The following TAF1 variants were observed in gnomAD, a reference collection of about 807,000 sequenced individuals.
TAF1 encodes TATA-box binding protein associated factor 1.
TAF1 carries 2 observed loss-of-function variants against 138.5 expected under a neutral mutation model. That is an observed-to-expected ratio of 0.01 (90% confidence interval 0.01 to 0.05). The LOEUF is 0.05. Ranked by LOEUF, TAF1 falls within the 10% of genes least tolerant of loss-of-function variation. The pLI is 1.00. For missense variants in TAF1, 709 were observed against 1,478.0 expected, an observed-to-expected ratio of 0.48 and a Z score of 8.53; for synonymous variants, 437 against 503.2, an observed-to-expected ratio of 0.87 and a Z score of 1.76.
At chrX:71,439,659 CT>C (rs1389551767) in intron 32 of TAF1, among the ~76,000 whole-genome samples, 1 of 112,086 alleles carries the variant, frequency 8.9e-6, no homozygotes, top group Non-Finnish European at 1.9e-5. Context: ...AGCACACTGC[CT>C]ATAGGGTAGC....
intron 32 of TAF1, among the ~76,000 whole-genome samples, chrX:71,435,562 C>G (rs1212496811): frequency 1.8e-5 from 2 of 111,904 alleles, no homozygotes; most frequent in Admixed American, 1.9e-4. Flanking sequence ...TTGTAGGGCT[C>G]ACTTCATTTC....
chrX:71,470,630 GC>G (rs1229475816), downstream of TAF1, among the ~76,000 whole-genome samples: 1 of 106,706 alleles, frequency 9.4e-6, no homozygotes, highest in Non-Finnish European at 1.9e-5. Context: ...GCCCACCTCA[GC>G]CCCCCAAAGT....
chrX:71,368,414 A>G (rs1448907207), intron 3 of TAF1, among the ~76,000 whole-genome samples: 1 of 111,679 alleles, frequency 9.0e-6, no homozygotes, highest in Non-Finnish European at 1.9e-5. Context: ...ATTCTTAGTT[A>G]ATGACAAGTA....
At chrX:71,478,669 A>G (rs923698308) in intron 13 of TAF1, among the ~76,000 whole-genome samples, 39 of 112,093 alleles carry the variant, frequency 3.5e-4, no homozygotes, top group African/African-American at 1.2e-3. Context: ...AGACTGGGTA[A>G]CATAGGGAGG....
chrX:71,466,682 C>G (rs985843598), downstream of TAF1, among the ~76,000 whole-genome samples: 1 of 111,385 alleles, frequency 9.0e-6, no homozygotes, highest in Non-Finnish European at 1.9e-5. Flanking sequence ...CCAGCCAAGA[C>G]GGGGCTTTAC....
intron 32 of TAF1, among the ~76,000 whole-genome samples, chrX:71,428,345 G>A (rs776100645): frequency 1.8e-5 from 2 of 111,452 alleles, no homozygotes; most frequent in South Asian, 7.4e-4. Flanking sequence ...ATAAAATTGT[G>A]TGAGATTTCT....
intron 36 of TAF1, 47 bp downstream of exon 36, chrX:71,459,755 C>A: frequency 8.4e-7 from 1 of 1,197,048 alleles, no homozygotes. Flanking sequence ...CACTACAGCA[C>A]CCTCAGAACT....
chrX:71,469,731 C>T (rs1271207026), downstream of TAF1, among the ~76,000 whole-genome samples: 5 of 110,329 alleles, frequency 4.5e-5, no homozygotes, highest in African/African-American at 9.9e-5. Context: ...GACGGAGTTT[C>T]GCTCTTGTTG....
chrX:71,461,201 G>A (rs1232768527), intron 37 of TAF1, among the ~76,000 whole-genome samples: 2 of 110,867 alleles, frequency 1.8e-5, no homozygotes, highest in Non-Finnish European at 3.8e-5. Context: ...GGCAGGGGGT[G>A]GGGAGAACTT....
At chrX:71,449,230 TC>T (rs2037844136) in intron 32 of TAF1, among the ~76,000 whole-genome samples, 1 of 111,038 alleles carries the variant, frequency 9.0e-6, no homozygotes, top group Non-Finnish European at 1.9e-5. Flanking sequence ...AATCAGGTGA[TC>T]CGTCCACCTG....
chrX:71,429,736 C>T (rs190746231), intron 32 of TAF1, among the ~76,000 whole-genome samples: 4 of 110,983 alleles, frequency 3.6e-5, no homozygotes, highest in East Asian at 5.7e-4. Flanking sequence ...AAAATACTGA[C>T]GGCCTGAACT....
At chrX:71,419,592 G>A (rs756106958) in intron 28 of TAF1, among the ~76,000 whole-genome samples, 14 of 110,855 alleles carry the variant, frequency 1.3e-4, no homozygotes, top group African/African-American at 4.2e-4. Context: ...GCAGGGAGCC[G>A]GAGAAGAGGG....
At chrX:71,431,342 C>T (rs1049449862) in intron 32 of TAF1, among the ~76,000 whole-genome samples, 1 of 110,076 alleles carries the variant, frequency 9.1e-6, no homozygotes, top group East Asian at 2.9e-4. Flanking sequence ...GGATTATAGG[C>T]GTGAGCTTTT....
intron 13 of TAF1, among the ~76,000 whole-genome samples, chrX:71,476,344 G>A (rs759990468): frequency 3.5e-4 from 39 of 110,954 alleles, no homozygotes; most frequent in Non-Finnish European, 6.4e-4. Context: ...GGATATCAAG[G>A]CTTATTTTAG....
intron 13 of TAF1, among the ~76,000 whole-genome samples, chrX:71,471,956 G>A (rs2038898229): frequency 8.9e-6 from 1 of 112,096 alleles, no homozygotes; most frequent in South Asian, 3.7e-4. Context: ...CAACTGCCAG[G>A]CAGAAAAGGA....
At chrX:71,457,076 G>A (rs1475516104) in intron 34 of TAF1, among the ~76,000 whole-genome samples, 1 of 111,828 alleles carries the variant, frequency 8.9e-6, no homozygotes, top group Non-Finnish European at 1.9e-5. Flanking sequence ...GCACTGTGCC[G>A]TAGGGTTTTG....
At chrX:71,515,255 C>T (rs1026462901) in intron 13 of TAF1, among the ~76,000 whole-genome samples, 13 of 110,918 alleles carry the variant, frequency 1.2e-4, no homozygotes, top group Non-Finnish European at 2.3e-4. Flanking sequence ...TGCAGCTCTA[C>T]ACCCTTTCAC....
intron 13 of TAF1, among the ~76,000 whole-genome samples, chrX:71,527,456 A>C (rs778248879): frequency 1.8e-5 from 2 of 111,162 alleles, no homozygotes; most frequent in African/African-American, 6.5e-5. Flanking sequence ...AATACATATG[A>C]AATGTGCTTT....
intron 18 of TAF1, among the ~76,000 whole-genome samples, chrX:71,391,533 AT>A (rs1402681138): frequency 9.1e-6 from 1 of 110,123 alleles, no homozygotes; most frequent in Admixed American, 9.7e-5. Context: ...AAGAAAAACA[AT>A]TTTTTTTAAA....
Sources: allele counts gnomAD v4.1 joint callset (sites outside exome capture counted in the v4.1 genomes callset), GRCh38; gene constraint gnomAD v4.1.1; transcripts MANE v1.5; gene names NCBI Gene and HGNC (gene_info 2026-07-23, HGNC 2026-07-21).